The following NBAS variants were observed in gnomAD, a reference collection of about 807,000 sequenced individuals.
NBAS encodes NBAS subunit of NRZ tethering complex, also known as NAG/BC035112 fusion.
In NBAS, 219 loss-of-function variants were observed where a neutral mutation model predicts 302.5. That is an observed-to-expected ratio of 0.72 (90% CI 0.65 to 0.81). The LOEUF (loss-of-function observed/expected upper bound fraction) is 0.81, where lower values mean the gene tolerates loss of function less well. NBAS is among the 30% of genes least tolerant of loss of function. The pLI, the probability that NBAS is intolerant of heterozygous loss-of-function variation, is 0.00. For missense variants in NBAS, 2,932 were observed against 2,841.6 expected, an observed-to-expected ratio of 1.03 and a Z score of -0.72; for synonymous variants, 1,118 against 1,021.6, an observed-to-expected ratio of 1.09 and a Z score of -1.80.
the NBAS span, among the ~76,000 whole-genome samples, chr2:14,859,440 T>C: frequency 2.0e-5 from 3 of 152,016 alleles, no homozygotes; most frequent in Non-Finnish European, 4.4e-5. Context: ...GTTATCAAAA[T>C]GTACTACAAG....
chr2:15,454,688 A>AGTGT (rs1679169434), intron 21 of NBAS, among the ~76,000 whole-genome samples: 1 of 152,110 alleles, frequency 6.6e-6, no homozygotes, highest in African/African-American at 2.4e-5. Flanking sequence ...CAGTTCACCA[A>AGTGT]GTGTGTGAGA....
chr2:15,280,364 G>A lies in NBAS; in HGVS notation c.5139-3263C>T, dbSNP rs555895419. ...AGAGGAAGGAGGAGGCAAGAAGGAAGAAGGTGAATGGGAGAAGGGAGAAGG... is the reference window on the plus strand; with the variant it reads ...AGAGGAAGGAGGAGGCAAGAAGGAAAAAGGTGAATGGGAGAAGGGAGAAGG... On this transcript the variant is annotated intron_variant, in intron 42 of 51. Transcript: ENST00000281513. Among the ~76,000 whole-genome samples, 226 of 152,218 alleles carry A rather than the reference G, an allele frequency of 1.5e-3. 1 individual carries two copies. The highest frequency in any genetic ancestry group is 2.8e-3 in the Non-Finnish European group (193 of 68,012).
intron 31 of NBAS, among the ~76,000 whole-genome samples, chr2:15,370,990 GGTTAGGCT>G (rs1226278564): frequency 1.3e-5 from 2 of 151,912 alleles, no homozygotes; most frequent in Non-Finnish European, 2.9e-5. Flanking sequence ...GAAATGATAT[GGTTAGGCT>G]CTGTGTCCCC....
At chr2:14,918,312 CAAAAAA>C in the NBAS span, among the ~76,000 whole-genome samples, 2 of 103,534 alleles carry the variant, frequency 1.9e-5, no homozygotes, top group African/African-American at 6.7e-5. Flanking sequence ...GAAATCCATG[CAAAAAA>C]AAAAAAAAAA....
intron 19 of NBAS, among the ~76,000 whole-genome samples, chr2:15,465,579 C>T (rs1264520582): frequency 1.3e-5 from 2 of 152,118 alleles, no homozygotes; most frequent in Non-Finnish European, 2.9e-5. Flanking sequence ...AAGCCATGTC[C>T]TGTGATTAAA....
chr2:14,973,373 C>G, the NBAS span, among the ~76,000 whole-genome samples: 2 of 152,060 alleles, frequency 1.3e-5, no homozygotes, highest in Non-Finnish European at 1.5e-5. Flanking sequence ...TAAACCTCTA[C>G]GAAGAAATGA....
chr2:15,121,110 G>A, the NBAS span, among the ~76,000 whole-genome samples: 1 of 152,068 alleles, frequency 6.6e-6, no homozygotes, highest in Non-Finnish European at 1.5e-5. Context: ...ATTATTTGTC[G>A]ATTTCAAGCC....
intron 45 of NBAS, among the ~76,000 whole-genome samples, chr2:15,237,378 A>T (rs916614429): frequency 2.6e-5 from 4 of 152,114 alleles, no homozygotes; most frequent in African/African-American, 4.8e-5. Context: ...AAGGAACTAG[A>T]AACCACCTAG....
chr2:15,407,469 C>T (rs1440158930), intron 25 of NBAS, among the ~76,000 whole-genome samples: 1 of 152,172 alleles, frequency 6.6e-6, no homozygotes, highest in Non-Finnish European at 1.5e-5. Flanking sequence ...CTTTTTGAAA[C>T]TTGAAACCGC....
At position 15,265,598 on chromosome 2, in the gene NBAS, TA is replaced by T. The variant is rs573180372; in HGVS notation, c.5724+9885del. 2.4e-4 allele frequency among the ~76,000 whole-genome samples: 37 copies of T among 152,280 alleles called. No individual in the cohort carries two copies. The East Asian group carries it at 6.8e-3, about 28-fold the overall frequency. On this transcript the variant is annotated intron_variant, in intron 44 of 51. Coordinates refer to ENST00000281513, the MANE Select transcript of NBAS (RefSeq NM_015909.4). ...ACTACAGGACTAGCATAGGGTTCGGTAACAACAAAGCAGCAGCAACTACAAT... is the reference window on the plus strand; with the variant it reads ...ACTACAGGACTAGCATAGGGTTCGGTACAACAAAGCAGCAGCAACTACAAT...
intron 51 of NBAS, among the ~76,000 whole-genome samples, chr2:15,173,112 G>A (rs1394144495): frequency 6.6e-6 from 1 of 152,226 alleles, no homozygotes; most frequent in African/African-American, 2.4e-5. Context: ...CAGAAGATGA[G>A]TAAAATGCTT....
At chr2:15,293,048 A>T (rs932801921) in intron 40 of NBAS, among the ~76,000 whole-genome samples, 74 of 152,260 alleles carry the variant, frequency 4.9e-4, no homozygotes, top group African/African-American at 1.7e-3. Flanking sequence ...CTTAAAAAAC[A>T]ATATATTCTT....
intron 6 of NBAS, among the ~76,000 whole-genome samples, chr2:15,547,972 G>A (rs1461516983): frequency 6.6e-6 from 1 of 152,160 alleles, no homozygotes; most frequent in Non-Finnish European, 1.5e-5. Flanking sequence ...TTCATGCTAT[G>A]TGTATACATG....
the NBAS span, among the ~76,000 whole-genome samples, chr2:15,016,225 C>A: frequency 6.6e-6 from 1 of 151,948 alleles, no homozygotes; most frequent in African/African-American, 2.4e-5. Flanking sequence ...ACAATGACAG[C>A]CAAGCAAAAG....
At chr2:14,996,698 A>T in the NBAS span, among the ~76,000 whole-genome samples, 10 of 152,268 alleles carry the variant, frequency 6.6e-5, no homozygotes, top group Admixed American at 5.9e-4. Flanking sequence ...TCTGCTGGGG[A>T]TCCCAGAGCT....
the NBAS span, among the ~76,000 whole-genome samples, chr2:14,937,912 T>G: frequency 6.6e-6 from 1 of 152,102 alleles, no homozygotes; most frequent in Non-Finnish European, 1.5e-5. Context: ...AGGGAGACCA[T>G]GAAGTCAGGA....
At chr2:15,017,342 C>T in the NBAS span, among the ~76,000 whole-genome samples, 25 of 151,894 alleles carry the variant, frequency 1.6e-4, no homozygotes, top group Admixed American at 2.0e-4. Flanking sequence ...AAAAAAGCTT[C>T]GTCACAGCAA....
the NBAS span, among the ~76,000 whole-genome samples, chr2:15,004,667 A>ATTTTTTTTTTTT: frequency 9.5e-6 from 1 of 105,444 alleles, no homozygotes. Context: ...CTCCCAGCTG[A>ATTTTTTTTTTTT]TTTTTTTTTT....
intron 44 of NBAS, among the ~76,000 whole-genome samples, chr2:15,271,192 A>G (rs1311139345): frequency 6.6e-6 from 1 of 152,240 alleles, no homozygotes; most frequent in African/African-American, 2.4e-5. Flanking sequence ...TCTGAACAGC[A>G]AACAAAGATA....
Sources: gnomAD v4.1 joint callset for allele counts (sites outside exome capture counted in the v4.1 genomes callset) on GRCh38, gnomAD v4.1.1 for gene constraint, MANE v1.5 for transcripts, NCBI Gene and HGNC (gene_info 2026-07-23, HGNC 2026-07-21) for gene names.